The following ADAMTS9 variants were observed in gnomAD, a reference collection of about 807,000 sequenced individuals.
ADAMTS9 encodes the protein ADAM metallopeptidase with thrombospondin type 1 motif 9, also known as A disintegrin and metalloproteinase with thrombospondin motifs 9.
In ADAMTS9, 107 loss-of-function variants were observed where a neutral mutation model predicts 257.1. The ratio of observed to expected loss-of-function variants is 0.42; its 90% CI spans 0.36 to 0.49. The LOEUF is 0.49. Ranked by LOEUF, ADAMTS9 falls within the 20% of genes least tolerant of loss-of-function variation. ADAMTS9 has a pLI of 0.03. For synonymous variants in ADAMTS9, 982 were observed against 880.9 expected (o/e 1.11, Z -2.03); for missense variants, 2,353 against 2,469.1 (o/e 0.95, Z 1.00).
In ADAMTS9 at chr3:64,590,474, T is replaced by C. The variant is rs574105235; in HGVS notation, c.4356+3784A>G. ...AACATGAAAAAATAAATATGCTTTA[T>C]TATATAACACATAGAAATCTGTACT... On this transcript the variant is annotated intron_variant, in intron 28 of 39. Transcript: ENST00000498707. Among the ~76,000 whole-genome samples, 255 of 152,344 alleles carry C rather than the reference T, an allele frequency of 1.7e-3. 2 individuals carry two copies. The highest frequency in any genetic ancestry group is 5.7e-3 in the African/African-American group (239 of 41,580).
chr3:64,571,978 G>T (rs1167936470), intron 28 of ADAMTS9, among the ~76,000 whole-genome samples: 1 of 152,152 alleles, frequency 6.6e-6, no homozygotes, highest in Non-Finnish European at 1.5e-5. Flanking sequence ...GTGTCACCTA[G>T]TACGTGCTAT....
At chr3:64,576,982 C>A (rs1341788004) in intron 28 of ADAMTS9, among the ~76,000 whole-genome samples, 1 of 152,148 alleles carries the variant, frequency 6.6e-6, no homozygotes, top group Non-Finnish European at 1.5e-5. Flanking sequence ...CGCTCCAGTT[C>A]CCCAACCTTC....
Position 64,633,459 on chromosome 3 carries a change from A to G in ADAMTS9, c.2175+13T>C, listed in dbSNP as rs777892975. On this transcript the variant is annotated intron_variant, in intron 14 of 39. Coordinates refer to ENST00000498707, the MANE Select transcript of ADAMTS9 (RefSeq NM_182920.2). ...GGGAAAACACAGTGAAGAAAACACC[A>G]TCAAGGACTTACCCGGCAAAGGCCC... The G allele has an allele frequency of 1.2e-6, 2 of 1,613,818 alleles. No individual in the cohort carries two copies. Among genetic ancestry groups the G allele is most frequent in the South Asian group, 2.2e-5 (2 of 91,076 alleles).
rs149098295 is a variant in ADAMTS9 at position 64,631,534 on chromosome 3, G to T, written c.2310C>A (p.Val770=). ...NTVHYGYNTV[V]RIPAGATNID... The stretch of plus-strand genomic sequence containing the variant: ...TATTGGTAGCACCAGCTGGAATTCG[G>T]ACCACAGTATTGTAACCTGAAAAGA... Residue 770 remains valine, a synonymous_variant, in exon 16 of 40, where the codon GTC becomes GTA. Coordinates refer to ENST00000498707, the MANE Select transcript of ADAMTS9 (RefSeq NM_182920.2). 9 of 1,613,882 alleles carry T rather than the reference G, an allele frequency of 5.6e-6. No individual in the cohort carries two copies. The highest frequency in any genetic ancestry group is 5.3e-5 in the African/African-American group (4 of 74,922).
intron 26 of ADAMTS9, among the ~76,000 whole-genome samples, chr3:64,600,285 T>TC (rs1360672368): frequency 1.3e-5 from 2 of 152,164 alleles, no homozygotes; most frequent in East Asian, 3.9e-4. Context: ...TCCTTCATCT[T>TC]CCTGGGAGCA....
At chr3:64,637,806 G>C (rs889481493) in intron 12 of ADAMTS9, among the ~76,000 whole-genome samples, 1 of 152,180 alleles carries the variant, frequency 6.6e-6, no homozygotes, top group African/African-American at 2.4e-5. Flanking sequence ...GATGGGATGG[G>C]GTGGGAGCTG....
At chr3:64,607,301 T>G (rs2084576540) in intron 22 of ADAMTS9, among the ~76,000 whole-genome samples, 1 of 152,180 alleles carries the variant, frequency 6.6e-6, no homozygotes, top group South Asian at 2.1e-4. Flanking sequence ...ATTGAAATGA[T>G]ATTTATAGGG....
intron 3 of ADAMTS9, among the ~76,000 whole-genome samples, chr3:64,673,362 A>C (rs1701536962): frequency 6.6e-6 from 1 of 152,208 alleles, no homozygotes; most frequent in Non-Finnish European, 1.5e-5. Flanking sequence ...CTGGCCTTGC[A>C]GACTGGCCTT....
At chr3:64,517,416 G>GTTTTTTTTGTTTTTTTTTTTTTTTTTTT (rs1553698668) in intron 39 of ADAMTS9, among the ~76,000 whole-genome samples, 2 of 52,640 alleles carry the variant, frequency 3.8e-5, no homozygotes, top group Non-Finnish European at 7.6e-5. Context: ...ATTAAAAATG[G>GTTTTTTTTGTTTTTTTTTTTTTTTTTTT]TTTTTTTTTT....
intron 21 of ADAMTS9, 146 bp downstream of exon 21, chr3:64,615,175 G>A (rs2084738124): frequency 2.1e-6 from 2 of 939,320 alleles, no homozygotes; most frequent in Non-Finnish European, 3.2e-6. Flanking sequence ...TGCAGGCAGA[G>A]AACTGGAGTT....
chr3:64,520,624 A>G (rs1018864305), intron 39 of ADAMTS9, among the ~76,000 whole-genome samples: 13 of 152,160 alleles, frequency 8.5e-5, no homozygotes, highest in Admixed American at 6.5e-5. Context: ...GAACAGAATA[A>G]GGAACCCAGA....
intron 3 of ADAMTS9, among the ~76,000 whole-genome samples, chr3:64,661,158 G>A (rs1265542335): frequency 6.6e-6 from 1 of 152,200 alleles, no homozygotes; most frequent in African/African-American, 2.4e-5. Context: ...GTTTTATGCA[G>A]TCCAGTTATA....
At chr3:64,591,180 T>C (rs993506312) in intron 28 of ADAMTS9, among the ~76,000 whole-genome samples, 8 of 152,092 alleles carry the variant, frequency 5.3e-5, no homozygotes, top group African/African-American at 1.9e-4. Flanking sequence ...GTGGCTCATG[T>C]CTGTAATCTC....
chr3:64,547,467 G>T (rs2083216547), intron 31 of ADAMTS9, among the ~76,000 whole-genome samples: 1 of 150,342 alleles, frequency 6.7e-6, no homozygotes, highest in Admixed American at 6.6e-5. Context: ...TTTCCTACCT[G>T]CCCTCCATTT....
intron 16 of ADAMTS9, among the ~76,000 whole-genome samples, chr3:64,627,150 G>A (rs922868651): frequency 1.2e-4 from 19 of 152,210 alleles, no homozygotes; most frequent in African/African-American, 4.6e-4. Context: ...ATAATCCAGT[G>A]TGGTCATATG....
At chr3:64,547,605 C>A (rs1354941049) in intron 31 of ADAMTS9, among the ~76,000 whole-genome samples, 4 of 148,508 alleles carry the variant, frequency 2.7e-5, no homozygotes, top group Non-Finnish European at 5.9e-5. Context: ...CTCCGTCTCC[C>A]AGGTTCAAGT....
intron 39 of ADAMTS9, among the ~76,000 whole-genome samples, chr3:64,519,397 A>T (rs2082821942): frequency 1.3e-5 from 2 of 151,992 alleles, no homozygotes; most frequent in Non-Finnish European, 2.9e-5. Flanking sequence ...AATCCTATTG[A>T]AACAATTTTT....
At chr3:64,597,579 T>C (rs1271760447) in intron 26 of ADAMTS9, among the ~76,000 whole-genome samples, 5 of 152,176 alleles carry the variant, frequency 3.3e-5, no homozygotes, top group African/African-American at 4.8e-5. Context: ...CGGTGGCTAA[T>C]GGTAGTAAGA....
Position 64,648,035 on chromosome 3 carries a change from T to C in ADAMTS9, c.1615A>G (p.Arg539Gly). The C allele has an allele frequency of 2.5e-6, 4 of 1,611,876 alleles. No homozygotes were observed. Among genetic ancestry groups the C allele is most frequent in the Non-Finnish European group, 3.4e-6 (4 of 1,179,682 alleles). Residue 539 changes from arginine (R) to glycine (G), a missense_variant, in exon 11 of 40, where the codon AGA (arginine) becomes GGA (glycine). This residue lies in a region of ADAMTS9 where 360 missense variants were observed against 458.1 expected (regional missense o/e 0.79). Coordinates refer to ENST00000498707, the MANE Select transcript of ADAMTS9 (RefSeq NM_182920.2). ...SQVCPYMMQC[R>G]RLWCNNVNGV... ...TTGACGTTATTGCACCAGAGCCGTC[T>C]GCACTGCATCTGCTCAATTCAATGA...
Sources: gnomAD v4.1 joint callset for allele counts (sites outside exome capture counted in the v4.1 genomes callset) on GRCh38, gnomAD v4.1.1 for gene constraint, gnomAD v4.1.1 regional missense constraint, MANE v1.5 for transcripts, NCBI Gene and HGNC (gene_info 2026-07-23, HGNC 2026-07-21) for gene names.